RAD51AP1: variants seen among roughly 807,000 people sequenced by gnomAD.
RAD51AP1 encodes RAD51-associated protein 1.
Under a neutral mutation model 34.3 loss-of-function variants are expected in RAD51AP1, and 14 were observed. That is an observed-to-expected ratio of 0.41 (90% CI 0.27 to 0.64). RAD51AP1 has a LOEUF of 0.64. RAD51AP1 is among the 30% of genes least tolerant of loss of function. RAD51AP1 has a pLI of 0.33. For missense variants in RAD51AP1, 348 were observed against 386.9 expected, an observed-to-expected ratio of 0.90 and a Z score of 0.84; for synonymous variants, 114 against 129.8, an observed-to-expected ratio of 0.88 and a Z score of 0.83.
chr12:4,548,739 A>G lies in RAD51AP1; in HGVS notation c.459A>G (p.Arg153=), dbSNP rs1390879568. 1.9e-6 allele frequency: 3 copies of G among 1,613,974 alleles called. No individual in the cohort carries two copies. Among genetic ancestry groups the G allele is most frequent in the Non-Finnish European group, 2.5e-6 (3 of 1,179,934 alleles). Residue 153 remains arginine, a synonymous_variant, in exon 6 of 9, where the codon AGA becomes AGG. Coordinates refer to ENST00000352618, the MANE Select transcript of RAD51AP1 (RefSeq NM_006479.5). ...EDDVGGVQGK[R]KAASKAAAQQ... ...ATGTTGGTGGTGTTCAAGGGAAAAG[A>G]AAAGCAGCATCTAAAGCTGCAGCAC...
chr12:4,554,888 A>T (rs1194571785), intron 7 of RAD51AP1, among the ~76,000 whole-genome samples: 1 of 152,214 alleles, frequency 6.6e-6, no homozygotes, highest in African/African-American at 2.4e-5. Context: ...ATTTGAATTA[A>T]TTAAAATTAA....
chr12:4,543,976 C>T lies in RAD51AP1; in HGVS notation c.209+72C>T, dbSNP rs1944488094. The T allele has an allele frequency of 2.3e-6, 3 of 1,288,812 alleles. No homozygotes were observed. The Admixed American group carries it at 8.0e-5, about 34-fold the overall frequency. The allele number at this position is 1,288,812 out of a possible 1,614,324, so 79.8% of individuals were successfully genotyped here. ...TTTTAAAGAGACACAGATTCGAACC[C>T]TTGATTTAAATTAGAACTTGGGCAG... On this transcript the variant is annotated intron_variant, in intron 3 of 8. Coordinates refer to ENST00000352618, the MANE Select transcript of RAD51AP1 (RefSeq NM_006479.5).
At chr12:4,552,210 A>G (rs2137278985) in intron 6 of RAD51AP1, among the ~76,000 whole-genome samples, 1 of 152,296 alleles carries the variant, frequency 6.6e-6, no homozygotes, top group Non-Finnish European at 1.5e-5. Context: ...CCCTATTTAC[A>G]CTTAGTTTTC....
chr12:4,539,030 T>C, intron 1 of RAD51AP1, 74 bp downstream of exon 1: 1 of 1,546,458 alleles, frequency 6.5e-7, no homozygotes, highest in Non-Finnish European at 8.9e-7. Context: ...GGGGAAAGGA[T>C]CGAGTAAGAC....
At chr12:4,556,533 C>T (rs1391746240) in intron 8 of RAD51AP1, 31 bp downstream of exon 8, 2 of 1,591,416 alleles carry the variant, frequency 1.3e-6, no homozygotes, top group Admixed American at 3.6e-5. Flanking sequence ...AGGACAGGAG[C>T]TTGGAAAATT....
chr12:4,556,339 A>G lies in RAD51AP1; in HGVS notation c.722-14A>G, dbSNP rs1565527767. The G allele has an allele frequency of 1.3e-5, 21 of 1,597,504 alleles. No individual in the cohort carries two copies. The highest frequency in any genetic ancestry group is 1.7e-5 in the Non-Finnish European group (20 of 1,169,088). Reference sequence around the variant, plus strand: ...CTGCATGACAAACATTTTTACGTATATTTTTCAAATAAGTGACTTCGGTGG... The same window carrying G: ...CTGCATGACAAACATTTTTACGTATGTTTTTCAAATAAGTGACTTCGGTGG... On this transcript the variant is annotated splice_polypyrimidine_tract_variant and intron_variant, in intron 7 of 8. Transcript: ENST00000352618.
intron 3 of RAD51AP1, chr12:4,545,661 C>T (rs1030366535): frequency 2.3e-5 from 21 of 904,700 alleles, no homozygotes; most frequent in South Asian, 1.9e-4. Context: ...CTGTCTTTGA[C>T]GTTTTCTTCC....
rs138157083 is a variant in RAD51AP1 at position 4,543,802 on chromosome 12, C to T, written c.107C>T (p.Ser36Phe). ...VSATVPLNKK[S>F]RTAPKELKQD... ...GCAACTGTACCTTTAAACAAGAAAT[C>T]CAGAACAGCACCAAAGGAGTTAAAA... Residue 36 changes from serine to phenylalanine, a missense_variant, in exon 3 of 9, where the codon TCC becomes TTC. Coordinates refer to ENST00000352618, the MANE Select transcript of RAD51AP1 (RefSeq NM_006479.5). The T allele has an allele frequency of 3.1e-4, 498 of 1,610,916 alleles. No homozygotes were observed. Among genetic ancestry groups the T allele is most frequent in the Admixed American group, 4.2e-4 (25 of 59,720 alleles).
chr12:4,539,231 GC>G (rs1944434058), intron 1 of RAD51AP1, among the ~76,000 whole-genome samples: 1 of 152,118 alleles, frequency 6.6e-6, no homozygotes, highest in Non-Finnish European at 1.5e-5. Context: ...TTCACCGAGC[GC>G]CCAATTATGT....
chr12:4,548,123 A>G lies in RAD51AP1; in HGVS notation c.351A>G (p.Glu117=), dbSNP rs561163642. The change falls in exon 5 of 9, where the codon GAA becomes GAG. Residue 117 remains glutamate (E), a synonymous_variant. Transcript: ENST00000352618. ...SIEKHGSSKI[E]TMNKSPHISN... ...AAAAACATGGCAGTAGTAAAATAGA[A>G]ACAATGAATAAGTCTCCTCATATCT... 1.1e-5 allele frequency: 18 copies of G among 1,601,872 alleles called. No homozygotes were observed. Among genetic ancestry groups the G allele is most frequent in the Admixed American group, 1.7e-5 (1 of 57,222 alleles).
chr12:4,540,966 G>A (rs959800803), intron 1 of RAD51AP1, among the ~76,000 whole-genome samples: 4 of 152,110 alleles, frequency 2.6e-5, no homozygotes, highest in Admixed American at 2.6e-4. Context: ...TTCACATTTA[G>A]CCATTTGACA....
Position 4,559,137 on chromosome 12 carries a change from T to C in RAD51AP1, c.*144T>C. The C allele has an allele frequency of 1.0e-6, 1 of 990,364 alleles. No homozygotes were observed. Among genetic ancestry groups the C allele is most frequent in the Non-Finnish European group, 1.5e-6 (1 of 682,754 alleles). The allele number at this position is 990,364 out of a possible 1,614,324, so 61.3% of individuals were successfully genotyped here. On this transcript the variant is annotated 3_prime_UTR_variant, in exon 9 of 9. Coordinates refer to ENST00000352618, the MANE Select transcript of RAD51AP1 (RefSeq NM_006479.5). ...CTATAAATGACCTCTAGCCATTTTA[T>C]GATTATGTTCTCTGTAAAACTCTTC...
rs1257727552 is a variant in RAD51AP1, at chr12:4,556,410, A to G, written c.779A>G (p.Lys260Arg). The G allele has an allele frequency of 6.2e-7, 1 of 1,613,766 alleles. No individual in the cohort carries two copies. The highest frequency in any genetic ancestry group is 8.5e-7 in the Non-Finnish European group (1 of 1,179,802). ...AAATCAGAATCTCAGTCCTTGCCAAAAAAGGTTTCTCTGTCTTCAGATACC... is the reference window on the plus strand; with the variant it reads ...AAATCAGAATCTCAGTCCTTGCCAAGAAAGGTTTCTCTGTCTTCAGATACC... ...AVKSESQSLP[K>R]KVSLSSDTTR... Residue 260 changes from lysine to arginine, a missense_variant, in exon 8 of 9, where the codon AAA (lysine) becomes AGA (arginine). Physicochemically the swap from Lys to Arg is conservative, Grantham distance 26. Coordinates refer to ENST00000352618, the MANE Select transcript of RAD51AP1 (RefSeq NM_006479.5).
At chr12:4,555,322 A>C (rs1031046923) in intron 7 of RAD51AP1, among the ~76,000 whole-genome samples, 2 of 152,052 alleles carry the variant, frequency 1.3e-5, no homozygotes, top group Admixed American at 6.6e-5. Context: ...GCTGCCTCCC[A>C]CCTATTTTTG....
At chr12:4,539,601 C>A (rs879332511) in intron 1 of RAD51AP1, among the ~76,000 whole-genome samples, 7 of 152,004 alleles carry the variant, frequency 4.6e-5, no homozygotes, top group Non-Finnish European at 7.4e-5. Flanking sequence ...TATGAGAGTG[C>A]GAAAGAGGAA....
At chr12:4,549,433 T>C (rs1944530319) in intron 6 of RAD51AP1, among the ~76,000 whole-genome samples, 1 of 152,226 alleles carries the variant, frequency 6.6e-6, no homozygotes, top group East Asian at 1.9e-4. Flanking sequence ...TACCATATTT[T>C]AGATTTTGAT....
intron 6 of RAD51AP1, among the ~76,000 whole-genome samples, chr12:4,552,086 A>C (rs1198398904): frequency 6.6e-6 from 1 of 152,184 alleles, no homozygotes; most frequent in East Asian, 1.9e-4. Context: ...TACAATCAGC[A>C]TGTACTGTTT....
intron 2 of RAD51AP1, among the ~76,000 whole-genome samples, chr12:4,542,942 G>A (rs573377627): frequency 1.6e-4 from 25 of 152,294 alleles, no homozygotes; most frequent in African/African-American, 6.0e-4. Context: ...GATCATTATG[G>A]TAATGGAAAG....
chr12:4,553,019 G>C lies in RAD51AP1; in HGVS notation c.593G>C (p.Ser198Thr). The C allele has an allele frequency of 6.3e-7, 1 of 1,598,504 alleles. No individual in the cohort carries two copies. The highest frequency in any genetic ancestry group is 1.1e-5 in the South Asian group (1 of 87,590). Reference sequence around the variant, plus strand: ...GAGGATGATTCTGATTTTTGTGAGAGTGAGGATAATGACGAAGACTTCTCT... The same window carrying C: ...GAGGATGATTCTGATTTTTGTGAGACTGAGGATAATGACGAAGACTTCTCT... ...DSEDDSDFCESEDNDEDFSMR... is the reference protein window; with the variant it reads ...DSEDDSDFCETEDNDEDFSMR... Residue 198 changes from serine (S) to threonine (T), a missense_variant, in exon 7 of 9, where the codon AGT (serine) becomes ACT (threonine). Transcript: ENST00000352618.
Sources: gnomAD v4.1 joint callset for allele counts (sites outside exome capture counted in the v4.1 genomes callset) on GRCh38, gnomAD v4.1.1 for gene constraint, MANE v1.5 for transcripts, NCBI Gene and HGNC (gene_info 2026-07-23, HGNC 2026-07-21) for gene names.